MORC1: variants seen among roughly 807,000 people sequenced by gnomAD.
MORC1 encodes MORC family CW-type zinc finger protein 1.
MORC1 carries 59 observed loss-of-function variants against 134.9 expected under a neutral mutation model. That is an observed-to-expected ratio of 0.44 (90% CI 0.35 to 0.54). MORC1 has a LOEUF of 0.54. Ranked by LOEUF, MORC1 falls within the 20% of genes least tolerant of loss-of-function variation. MORC1 has a pLI of 0.00. For missense variants in MORC1, 947 were observed against 1,134.5 expected (o/e 0.83, Z 2.37); for synonymous variants, 395 against 391.7 (o/e 1.01, Z -0.10).
chr3:109,036,643 C>A (rs1278701022), intron 14 of MORC1, among the ~76,000 whole-genome samples: 3 of 152,040 alleles, frequency 2.0e-5, no homozygotes, highest in African/African-American at 7.2e-5. Flanking sequence ...AATGACCTAA[C>A]ACTTTATTAT....
rs71129021 is a variant in MORC1 at position 109,092,241 on chromosome 3, GAAA to G, written c.689+1192_689+1194del. Among the ~76,000 whole-genome samples, 155 of 151,712 alleles carry G rather than the reference GAAA, an allele frequency of 1.0e-3. 3 individuals carry two copies. Among genetic ancestry groups the G allele is most frequent in the African/African-American group, 3.6e-3 (147 of 41,390 alleles). On this transcript the variant is annotated intron_variant, in intron 8 of 27. Transcript: ENST00000232603. ...TTAGGCTGAATATTTTTTTCCAAAA[GAAA>G]AAAAATCCCTCCATTTATGTGTATA...
chr3:109,036,033 T>A (rs995618513), intron 14 of MORC1, among the ~76,000 whole-genome samples: 1 of 152,180 alleles, frequency 6.6e-6, no homozygotes, highest in African/African-American at 2.4e-5. Context: ...AGTCGTTTTG[T>A]TCTTATTCTT....
intron 14 of MORC1, among the ~76,000 whole-genome samples, chr3:109,054,250 C>T (rs1193680204): frequency 6.7e-6 from 1 of 150,064 alleles, no homozygotes; most frequent in Non-Finnish European, 1.5e-5. Context: ...CACTGCACTC[C>T]AGCCTGGGCA....
At chr3:109,060,673 G>T (rs1442431749) in intron 11 of MORC1, among the ~76,000 whole-genome samples, 1 of 152,058 alleles carries the variant, frequency 6.6e-6, no homozygotes, top group Non-Finnish European at 1.5e-5. Flanking sequence ...AAGAATTTAA[G>T]ACGTCAAAAG....
At chr3:109,030,398 T>C (rs1184560960) in intron 16 of MORC1, among the ~76,000 whole-genome samples, 2 of 152,174 alleles carry the variant, frequency 1.3e-5, no homozygotes, top group South Asian at 2.1e-4. Flanking sequence ...GAACAATTTC[T>C]TCCCCCTCCC....
chr3:108,999,844 T>C lies in MORC1; in HGVS notation c.2187+713A>G, dbSNP rs139158122. 1.1e-3 allele frequency among the ~76,000 whole-genome samples: 167 copies of C among 152,096 alleles called. 1 individual carries two copies. The highest frequency in any genetic ancestry group is 7.8e-4 in the Non-Finnish European group (53 of 67,976). ...ATACCAAATAGATTTTTCCCTGACA[T>C]TAAATTCTAATGTGTAAATTACTTT... On this transcript the variant is annotated intron_variant, in intron 21 of 27. Coordinates refer to ENST00000232603, the MANE Select transcript of MORC1 (RefSeq NM_014429.4).
intron 17 of MORC1, among the ~76,000 whole-genome samples, chr3:109,011,416 T>C (rs1948680684): frequency 6.6e-6 from 1 of 152,194 alleles, no homozygotes; most frequent in Non-Finnish European, 1.5e-5. Flanking sequence ...GAAATTGACT[T>C]TTCATGTGTT....
intron 14 of MORC1, among the ~76,000 whole-genome samples, chr3:109,047,780 C>A (rs1048966709): frequency 4.6e-5 from 7 of 152,078 alleles, no homozygotes; most frequent in Middle Eastern, 3.2e-3. Flanking sequence ...TTCTGTTAAA[C>A]AGTAAAAATA....
chr3:108,984,676 T>C lies in MORC1; in HGVS notation c.2324+40A>G, dbSNP rs183063404. 1.5e-4 allele frequency: 205 copies of C among 1,368,496 alleles called. 1 individual carries two copies. Among genetic ancestry groups the C allele is most frequent in the African/African-American group, 8.8e-4 (60 of 68,462 alleles). 84.8% of individuals were successfully genotyped at this position (1,368,496 alleles called of 1,614,324 possible). ...TGATAATTACTTTTCAGCAGGATAA[T>C]TGCACTCACTTGGAATTTGTATAAC... On this transcript the variant is annotated intron_variant, in intron 23 of 27. Coordinates refer to ENST00000232603, the MANE Select transcript of MORC1 (RefSeq NM_014429.4).
intron 21 of MORC1, among the ~76,000 whole-genome samples, chr3:108,996,033 A>T (rs1344855032): frequency 1.3e-5 from 2 of 152,174 alleles, no homozygotes; most frequent in Admixed American, 1.3e-4. Context: ...GAGTGATTAC[A>T]AAAGGAGGAG....
At position 109,118,078 on chromosome 3, in the gene MORC1, C is replaced by A. The variant is rs368069308; in HGVS notation, c.-19G>T. The stretch of plus-strand genomic sequence containing the variant: ...CGTCCATGCCCTCGAACACGACCCG[C>A]GCAACTCAAGGGGACAAGGACACCT... On this transcript the variant is annotated 5_prime_UTR_variant, in exon 1 of 28. Transcript: ENST00000232603. 7 of 1,601,760 alleles carry A rather than the reference C, an allele frequency of 4.4e-6. No homozygotes were observed. The highest frequency in any genetic ancestry group is 6.0e-6 in the Non-Finnish European group (7 of 1,174,202).
intron 21 of MORC1, among the ~76,000 whole-genome samples, chr3:108,989,467 C>CTGCA (rs149709436): frequency 0.01 from 1,559 of 152,210 alleles, 28 homozygotes; most frequent in African/African-American, 0.034. Context: ...CAACATAATA[C>CTGCA]TGCATGCTCA....
chr3:109,024,743 T>C (rs1355643174), intron 17 of MORC1, among the ~76,000 whole-genome samples: 1 of 152,208 alleles, frequency 6.6e-6, no homozygotes, highest in African/African-American at 2.4e-5. Flanking sequence ...TCTGTGATAC[T>C]GAATGGGTGA....
chr3:108,967,074 G>C (rs1559859227), intron 26 of MORC1, among the ~76,000 whole-genome samples: 1 of 152,118 alleles, frequency 6.6e-6, no homozygotes, highest in Non-Finnish European at 1.5e-5. Context: ...GTTGTTCTGT[G>C]TTTTGCTTAC....
intron 8 of MORC1, among the ~76,000 whole-genome samples, chr3:109,073,539 C>T (rs909312318): frequency 9.9e-5 from 15 of 152,156 alleles, no homozygotes; most frequent in African/African-American, 3.4e-4. Context: ...AGAAATACAA[C>T]TCCTCCATTA....
At chr3:109,114,503 G>C (rs1951230360) in intron 1 of MORC1, 66 bp from the exon 2 acceptor site, 2 of 1,381,734 alleles carry the variant, frequency 1.4e-6, no homozygotes, top group Admixed American at 3.8e-5. Context: ...AAAGCTTTAA[G>C]ATTCTTGCAG....
At position 109,035,527 on chromosome 3, in the gene MORC1, T is replaced by C. The variant is rs3762695; in HGVS notation, c.1331-59A>G. ...AAAAAAATCATTAAAATCAAAACAA[T>C]TGGCAAAGGGAAGTTTGTATATACA... On this transcript the variant is annotated intron_variant, in intron 14 of 27. Coordinates refer to ENST00000232603, the MANE Select transcript of MORC1 (RefSeq NM_014429.4). 0.14 allele frequency: 155,386 copies of C among 1,132,480 alleles called. 11,636 individuals are homozygous for C. The highest frequency in any genetic ancestry group is 0.22 in the African/African-American group (13,770 of 62,620). The allele number at this position is 1,132,480 out of a possible 1,614,324, so 70.2% of individuals were successfully genotyped here.
intron 14 of MORC1, 135 bp downstream of exon 14, chr3:109,054,593 G>GT: frequency 2.6e-6 from 2 of 772,484 alleles, no homozygotes; most frequent in Non-Finnish European, 3.8e-6. Flanking sequence ...TCTCACTCCT[G>GT]TTTTTAAAGC....
intron 21 of MORC1, among the ~76,000 whole-genome samples, chr3:108,996,816 C>G (rs895188444): frequency 3.3e-5 from 5 of 151,776 alleles, no homozygotes; most frequent in African/African-American, 1.2e-4. Context: ...GGAGACCATC[C>G]TGGCTAACAT....
Sources: gnomAD v4.1 joint callset for allele counts (sites outside exome capture counted in the v4.1 genomes callset) on GRCh38, gnomAD v4.1.1 for gene constraint, MANE v1.5 for transcripts, NCBI Gene and HGNC (gene_info 2026-07-23, HGNC 2026-07-21) for gene names.